ERG: variants seen among roughly 807,000 people sequenced by gnomAD.
ERG encodes ETS transcription factor ERG, also known as transcriptional regulator ERG.
ERG carries 9 observed loss-of-function variants against 55.3 expected under a neutral mutation model. The observed-to-expected ratio is 0.16, with a 90% confidence interval of 0.10 to 0.28. The LOEUF (loss-of-function observed/expected upper bound fraction) is 0.28, where lower values mean the gene tolerates loss of function less well. Ranked by LOEUF, ERG falls within the 10% of genes least tolerant of loss-of-function variation. ERG has a pLI of 1.00. For synonymous variants in ERG, 223 were observed against 237.3 expected, an observed-to-expected ratio of 0.94 and a Z score of 0.55; for missense variants, 434 against 631.6, an observed-to-expected ratio of 0.69 and a Z score of 3.35.
chr21:38,432,057 C>A (rs1346488423), intron 2 of ERG, among the ~76,000 whole-genome samples: 2 of 152,102 alleles, frequency 1.3e-5, no homozygotes, highest in Non-Finnish European at 2.9e-5. Flanking sequence ...TTATACATGC[C>A]TCTAGTTTCA....
intron 1 of ERG, among the ~76,000 whole-genome samples, chr21:38,625,863 T>C (rs901629905): frequency 1.3e-5 from 2 of 151,028 alleles, no homozygotes; most frequent in Non-Finnish European, 3.0e-5. Flanking sequence ...GAGATGAAAC[T>C]CATTGAAGCA....
At chr21:38,525,489 G>C (rs1310610875) in intron 2 of ERG, among the ~76,000 whole-genome samples, 1 of 152,052 alleles carries the variant, frequency 6.6e-6, no homozygotes, top group East Asian at 1.9e-4. Context: ...CCAGAAGCAC[G>C]CGCAAAGCTC....
At chr21:38,611,682 A>C (rs1004324666) in intron 1 of ERG, among the ~76,000 whole-genome samples, 1 of 151,946 alleles carries the variant, frequency 6.6e-6, no homozygotes, top group Non-Finnish European at 1.5e-5. Flanking sequence ...TTCTCTCCTT[A>C]GCATTTATTT....
chr21:38,572,697 T>C (rs2059966401), intron 2 of ERG, among the ~76,000 whole-genome samples: 1 of 152,226 alleles, frequency 6.6e-6, no homozygotes, highest in African/African-American at 2.4e-5. Context: ...TGCCAGTTCA[T>C]CTCTCCAAAC....
In ERG at chr21:38,582,683, T is replaced by C. The variant is rs528438667; in HGVS notation, c.-127+2161A>G. Among the ~76,000 whole-genome samples the C allele has an allele frequency of 2.0e-5, 3 of 152,310 alleles. No individual in the cohort carries two copies. The South Asian group carries it at 6.2e-4, about 32-fold the overall frequency. On this transcript the variant is annotated intron_variant, in intron 1 of 8. Transcript: ENST00000398897. ...CACATAATCAACACTAAACAAGTGG[T>C]AATCATTATAATTAAGAAAGTAAAA... is the stretch of plus-strand genomic sequence containing the variant.
intron 1 of ERG, among the ~76,000 whole-genome samples, chr21:38,578,657 TC>T (rs1200837150): frequency 2.0e-5 from 3 of 151,794 alleles, no homozygotes; most frequent in South Asian, 4.2e-4. Context: ...CCCACCCCAA[TC>T]ACCCCACCAA....
chr21:38,623,255 C>A (rs58009060), intron 1 of ERG, among the ~76,000 whole-genome samples: 1 of 149,308 alleles, frequency 6.7e-6, no homozygotes, highest in Non-Finnish European at 1.5e-5. Context: ...CACCACAGAG[C>A]ACACACATAA....
intron 2 of ERG, among the ~76,000 whole-genome samples, chr21:38,424,360 G>A (rs1045325604): frequency 6.6e-6 from 1 of 152,164 alleles, no homozygotes; most frequent in Non-Finnish European, 1.5e-5. Context: ...GAGTCCCATT[G>A]TTTCAGCCAG....
intron 1 of ERG, among the ~76,000 whole-genome samples, chr21:38,495,721 T>A (rs2059373899): frequency 6.6e-6 from 1 of 152,066 alleles, no homozygotes; most frequent in Non-Finnish European, 1.5e-5. Context: ...CTTCCCAAAT[T>A]GCAGATGGCA....
In ERG at chr21:38,649,437, GC is replaced by G. The variant is rs1489176740; in HGVS notation, c.-150+12220del. 1.1e-4 allele frequency among the ~76,000 whole-genome samples: 17 copies of G among 152,302 alleles called. 1 individual carries two copies. The South Asian group carries it at 3.5e-3, about 32-fold the overall frequency. On this transcript the variant is annotated intron_variant, in intron 1 of 10. Coordinates refer to the ERG transcript ENST00000398910. Reference sequence around the variant, plus strand: ...ACGTTCTGGTTACCGGGGATGACACGCTTTTTCCGACAAGATTTTAAGCACT... The same window carrying G: ...ACGTTCTGGTTACCGGGGATGACACGTTTTTCCGACAAGATTTTAAGCACT...
At chr21:38,376,371 T>G (rs1987243715), downstream of ERG, among the ~76,000 whole-genome samples, 1 of 152,186 alleles carries the variant, frequency 6.6e-6, no homozygotes, top group South Asian at 2.1e-4. Context: ...ACTCTCGCTC[T>G]CTCCCACCAC....
chr21:38,511,000 T>A (rs972961419), intron 2 of ERG, among the ~76,000 whole-genome samples: 1 of 152,224 alleles, frequency 6.6e-6, no homozygotes, highest in African/African-American at 2.4e-5. Flanking sequence ...CATGACCTTT[T>A]CCCAACATTC....
chr21:38,640,470 G>A lies in ERG; in HGVS notation c.-150+21188C>T, dbSNP rs527433916. On this transcript the variant is annotated intron_variant, in intron 1 of 10. Transcript: ENST00000398910. ...AAATTGTAGCTCCCGTAACTTCAAC[G>A]TGTTGTGGGAGGGAGCCGGTGGGAG... Among the ~76,000 whole-genome samples the A allele has an allele frequency of 3.0e-4, 46 of 152,274 alleles. 1 individual carries two copies. The highest frequency in any genetic ancestry group is 1.0e-3 in the African/African-American group (42 of 41,558).
chr21:38,542,268 G>A (rs992778371), intron 2 of ERG, among the ~76,000 whole-genome samples: 6 of 152,154 alleles, frequency 3.9e-5, no homozygotes, highest in Non-Finnish European at 7.4e-5. Context: ...GATTACAGGC[G>A]TGAGTCACCG....
At chr21:38,539,615 C>A (rs973171221) in intron 2 of ERG, among the ~76,000 whole-genome samples, 1 of 152,136 alleles carries the variant, frequency 6.6e-6, no homozygotes, top group Non-Finnish European at 1.5e-5. Context: ...AAGATACTTA[C>A]AAATCATTGT....
chr21:38,422,997 A>G (rs1569085724), intron 3 of ERG, among the ~76,000 whole-genome samples: 1 of 152,114 alleles, frequency 6.6e-6, no homozygotes, highest in Non-Finnish European at 1.5e-5. Flanking sequence ...TCATAGACAT[A>G]TACACACGTG....
Position 38,400,122 on chromosome 21 carries a change from G to A in ERG, c.745+452C>T, listed in dbSNP as rs1988416193. ...TATTACCTAATTAAATCATTTGGAG[G>A]ACAGGCAGTAAGATTCAGATGTAAA... On this transcript the variant is annotated intron_variant, in intron 6 of 9. Transcript: ENST00000288319. The A allele has an allele frequency of 2.0e-5, 7 of 346,494 alleles. No individual in the cohort carries two copies. The South Asian group carries it at 2.5e-4, about 12-fold the overall frequency. The allele number at this position is 346,494 out of a possible 1,614,324, so 21.5% of individuals were successfully genotyped here.
intron 2 of ERG, among the ~76,000 whole-genome samples, chr21:38,540,124 G>A (rs1008587410): frequency 4.6e-5 from 7 of 151,918 alleles, no homozygotes; most frequent in Admixed American, 4.6e-4. Flanking sequence ...TCAAACTCCC[G>A]ACCTCAAGTG....
intron 2 of ERG, among the ~76,000 whole-genome samples, chr21:38,544,882 C>T (rs2059778123): frequency 6.6e-6 from 1 of 152,052 alleles, no homozygotes; most frequent in African/African-American, 2.4e-5. Context: ...CAACTCAGGG[C>T]TCTTCTCCCC....
Sources: gnomAD v4.1 joint callset for allele counts (sites outside exome capture counted in the v4.1 genomes callset) on GRCh38, gnomAD v4.1.1 for gene constraint, MANE v1.5 for transcripts, NCBI Gene and HGNC (gene_info 2026-07-23, HGNC 2026-07-21) for gene names.